AXDND1: variants seen among roughly 807,000 people sequenced by gnomAD.
AXDND1 encodes the protein axonemal dynein light chain domain-containing protein 1.
A neutral mutation model predicts 137.5 loss-of-function variants in AXDND1; 110 were observed. The observed-to-expected ratio is 0.80, with a 90% CI of 0.69 to 0.94. The LOEUF (loss-of-function observed/expected upper bound fraction) is 0.94, where lower values mean the gene tolerates loss of function less well. Among genes scored for constraint, AXDND1 ranks in the 40% least tolerant of loss-of-function variants. The pLI is 0.00. For synonymous variants in AXDND1, 414 were observed against 399.7 expected (o/e 1.04, Z -0.43); for missense variants, 1,191 against 1,169.8 (o/e 1.02, Z -0.26).
At chr1:179,540,852 G>A (rs927172953) in intron 25 of AXDND1, among the ~76,000 whole-genome samples, 1 of 152,198 alleles carries the variant, frequency 6.6e-6, no homozygotes, top group African/African-American at 2.4e-5. Flanking sequence ...TCCCTGACTT[G>A]GGCTGCTGCC....
At chr1:179,369,195 A>C (rs1224442381) in intron 3 of AXDND1, among the ~76,000 whole-genome samples, 1 of 152,104 alleles carries the variant, frequency 6.6e-6, no homozygotes, top group Non-Finnish European at 1.5e-5. Context: ...CTCCCACCTC[A>C]GCTTCCTGAG....
intron 16 of AXDND1, among the ~76,000 whole-genome samples, chr1:179,468,199 T>A (rs926597176): frequency 4.6e-5 from 7 of 152,142 alleles, no homozygotes; most frequent in African/African-American, 1.7e-4. Context: ...AGACAAGAAA[T>A]GTAGGATATA....
chr1:179,411,029 T>C, intron 11 of AXDND1, 117 bp from the exon 12 acceptor site: 1 of 758,988 alleles, frequency 1.3e-6, no homozygotes, highest in Non-Finnish European at 2.0e-6. Flanking sequence ...AATTACCTTA[T>C]GATGAGTTTT....
chr1:179,552,591 T>C, intron 25 of AXDND1: 1 of 1,609,584 alleles, frequency 6.2e-7, no homozygotes, highest in South Asian at 1.1e-5. Context: ...GGTGGGAGGA[T>C]GGAGTGCTCA....
intron 15 of AXDND1, among the ~76,000 whole-genome samples, chr1:179,435,080 C>G (rs946894127): frequency 6.6e-6 from 1 of 152,124 alleles, no homozygotes; most frequent in African/African-American, 2.4e-5. Context: ...CATGGATTAA[C>G]TCCCATTCAT....
chr1:179,395,021 T>G lies in AXDND1; in HGVS notation c.1005-77T>G, dbSNP rs983821326. The G allele has an allele frequency of 2.4e-6, 3 of 1,270,602 alleles. No individual in the cohort carries two copies. The African/African-American group carries it at 4.5e-5, about 19-fold the overall frequency. 78.7% of individuals were successfully genotyped at this position (1,270,602 alleles called of 1,614,324 possible). ...CATGATAACTGAGAAGATTCCTGAA[T>G]ATAAATCTGATTTTCTTGGTAGAAA... On this transcript the variant is annotated intron_variant, in intron 10 of 25. Coordinates refer to ENST00000367618, the MANE Select transcript of AXDND1 (RefSeq NM_144696.6).
chr1:179,459,735 CT>C (rs1431460254), intron 16 of AXDND1, among the ~76,000 whole-genome samples: 5 of 102,180 alleles, frequency 4.9e-5, no homozygotes, highest in Non-Finnish European at 7.7e-5. Flanking sequence ...TCCTTCCTTC[CT>C]TTTTTCCTTC....
chr1:179,414,135 A>G (rs969033821), intron 12 of AXDND1, among the ~76,000 whole-genome samples: 1 of 152,088 alleles, frequency 6.6e-6, no homozygotes, highest in African/African-American at 2.4e-5. Context: ...GAAAAAAATA[A>G]ATTTAAACAT....
chr1:179,402,269 A>C (rs540055419), intron 11 of AXDND1, among the ~76,000 whole-genome samples: 1 of 151,922 alleles, frequency 6.6e-6, no homozygotes, highest in African/African-American at 2.4e-5. Flanking sequence ...TGCCTACTCT[A>C]TATACTACTT....
In AXDND1 at chr1:179,478,117, C is replaced by T. The variant is rs542547126; in HGVS notation, c.1998-5011C>T. 2.6e-5 allele frequency among the ~76,000 whole-genome samples: 4 copies of T among 152,312 alleles called. No individual in the cohort carries two copies. In the South Asian group the frequency reaches 8.3e-4, roughly 32 times the overall value. The stretch of plus-strand genomic sequence containing the variant: ...TGGGGCACAGGCTCCCTCCTGGCTG[C>T]TTTCATGGGCTGGGGTTGAGTGTCT... On this transcript the variant is annotated intron_variant, in intron 17 of 25. Coordinates refer to ENST00000367618, the MANE Select transcript of AXDND1 (RefSeq NM_144696.6).
intron 25 of AXDND1, among the ~76,000 whole-genome samples, chr1:179,535,655 G>T (rs9699789): frequency 0.2 from 30,057 of 152,086 alleles, 3,147 homozygotes; most frequent in Non-Finnish European, 0.23. Flanking sequence ...CCAAGTTTTT[G>T]CTATTGTGAA....
At chr1:179,475,956 GTTCTTATGC>G (rs1664571325) in intron 17 of AXDND1, among the ~76,000 whole-genome samples, 1 of 152,168 alleles carries the variant, frequency 6.6e-6, no homozygotes, top group Non-Finnish European at 1.5e-5. Context: ...ATGATAGTGA[GTTCTTATGC>G]AATATGATGG....
intron 25 of AXDND1, among the ~76,000 whole-genome samples, chr1:179,539,098 G>T (rs912936854): frequency 2.0e-5 from 3 of 152,112 alleles, no homozygotes; most frequent in Admixed American, 6.5e-5. Context: ...CACAGGAGAT[G>T]GGTCTCCTGA....
At chr1:179,549,715 A>G (rs891292760) in intron 25 of AXDND1, among the ~76,000 whole-genome samples, 10 of 152,140 alleles carry the variant, frequency 6.6e-5, no homozygotes, top group African/African-American at 2.2e-4. Context: ...AAAGTGACCA[A>G]CAACCCTCGG....
At chr1:179,528,527 C>T (rs1670754138) in intron 23 of AXDND1, 96 bp downstream of exon 23, 4 of 669,108 alleles carry the variant, frequency 6.0e-6, no homozygotes, top group Non-Finnish European at 9.6e-6. Context: ...TCTAAGGGGA[C>T]CAGGGATTCC....
intron 16 of AXDND1, among the ~76,000 whole-genome samples, chr1:179,459,428 G>C (rs565501306): frequency 1.3e-5 from 2 of 152,140 alleles, no homozygotes; most frequent in African/African-American, 4.8e-5. Context: ...CAAAATAAAT[G>C]CTCATGAAAA....
rs141187938 is a variant in AXDND1 at position 179,443,089 on chromosome 1, A to G, written c.1564-1881A>G. ...TTGAACAATAGGTGCTAGATTTCTC[A>G]ATAGATAACTTCAAGGAGCCCAGCG... is the stretch of plus-strand genomic sequence containing the variant. On this transcript the variant is annotated intron_variant, in intron 15 of 25. Transcript: ENST00000367618. 5.3e-3 allele frequency among the ~76,000 whole-genome samples: 804 copies of G among 152,262 alleles called. 9 individuals are homozygous for G. The highest frequency in any genetic ancestry group is 0.019 in the African/African-American group (780 of 41,550).
chr1:179,524,900 G>A (rs1002673452), intron 21 of AXDND1, among the ~76,000 whole-genome samples: 6 of 152,118 alleles, frequency 3.9e-5, no homozygotes, highest in East Asian at 1.9e-4. Context: ...TGACAGTCTA[G>A]CCCTTTCTCT....
intron 16 of AXDND1, among the ~76,000 whole-genome samples, chr1:179,458,366 C>T (rs370474541): frequency 1.3e-5 from 2 of 151,954 alleles, no homozygotes; most frequent in Admixed American, 6.6e-5. Flanking sequence ...TTAAATAATT[C>T]GAAGCCTTAG....
Sources: allele counts gnomAD v4.1 joint callset (sites outside exome capture counted in the v4.1 genomes callset), GRCh38; gene constraint gnomAD v4.1.1; transcripts MANE v1.5; gene names NCBI Gene and HGNC (gene_info 2026-07-23, HGNC 2026-07-21).